SPOCK3: variants seen among roughly 807,000 people sequenced by gnomAD.
SPOCK3 encodes the protein testican-3.
A neutral mutation model predicts 56.6 loss-of-function variants in SPOCK3; 30 were observed. The observed-to-expected ratio is 0.53, with a 90% CI of 0.40 to 0.72. The LOEUF (loss-of-function observed/expected upper bound fraction) is 0.72, where lower values mean the gene tolerates loss of function less well. SPOCK3 is among the 30% of genes least tolerant of loss of function. The probability of loss-of-function intolerance (pLI) is 0.00; values close to 1 mark genes in which losing one functional copy is unlikely to be tolerated. For synonymous variants in SPOCK3, 196 were observed against 183.3 expected, an observed-to-expected ratio of 1.07 and a Z score of -0.56; for missense variants, 527 against 530.0, an observed-to-expected ratio of 0.99 and a Z score of 0.06.
intron 3 of SPOCK3, among the ~76,000 whole-genome samples, chr4:167,028,511 G>A (rs1212909705): frequency 1.3e-5 from 2 of 151,998 alleles, no homozygotes; most frequent in Non-Finnish European, 2.9e-5. Flanking sequence ...CAGACTTGAG[G>A]GCCCCTTATA....
At chr4:166,886,895 T>A (rs867749046) in intron 6 of SPOCK3, among the ~76,000 whole-genome samples, 6 of 152,188 alleles carry the variant, frequency 3.9e-5, no homozygotes, top group South Asian at 4.1e-4. Flanking sequence ...TGTGTAGAAA[T>A]GACACTCAAA....
In SPOCK3 at chr4:167,193,594, A is replaced by G. The variant is rs576366529; in HGVS notation, c.189+40391T>C. On this transcript the variant is annotated intron_variant, in intron 2 of 10. Transcript: ENST00000357545. ...ACCATTACAGTATCAGAATATCCCA[A>G]TTTCACTATATATTTGTCTTTATCA... is the stretch of plus-strand genomic sequence containing the variant. Among the ~76,000 whole-genome samples the G allele has an allele frequency of 2.5e-4, 36 of 145,958 alleles. 3 individuals are homozygous for G. The highest frequency in any genetic ancestry group is 8.9e-4 in the African/African-American group (34 of 38,222).
chr4:166,855,059 GTTTTCC>G (rs1351807293), intron 6 of SPOCK3, among the ~76,000 whole-genome samples: 1 of 152,052 alleles, frequency 6.6e-6, no homozygotes, highest in Non-Finnish European at 1.5e-5. Context: ...GCGAACAATT[GTTTTCC>G]TTTTCCTTTA....
chr4:167,159,781 G>C (rs1182001145), intron 2 of SPOCK3, among the ~76,000 whole-genome samples: 1 of 151,992 alleles, frequency 6.6e-6, no homozygotes, highest in Non-Finnish European at 1.5e-5. Flanking sequence ...CAGAACTAAA[G>C]ACAAAAACCA....
At chr4:166,790,009 T>C (rs1259844610) in intron 7 of SPOCK3, among the ~76,000 whole-genome samples, 1 of 152,172 alleles carries the variant, frequency 6.6e-6, no homozygotes, top group African/African-American at 2.4e-5. Flanking sequence ...ATAATGAATA[T>C]TATCAATAAT....
At chr4:166,890,143 T>C (rs1335646858) in intron 5 of SPOCK3, among the ~76,000 whole-genome samples, 1 of 151,986 alleles carries the variant, frequency 6.6e-6, no homozygotes, top group African/African-American at 2.4e-5. Flanking sequence ...CAGTATAGCA[T>C]GCCTCTCTTC....
At chr4:166,944,536 C>T (rs879277963) in intron 4 of SPOCK3, among the ~76,000 whole-genome samples, 1 of 151,926 alleles carries the variant, frequency 6.6e-6, no homozygotes, top group African/African-American at 2.4e-5. Flanking sequence ...CTTCAGTGTT[C>T]TTTTTTTCTT....
intron 4 of SPOCK3, among the ~76,000 whole-genome samples, chr4:166,992,307 G>A (rs1450519238): frequency 1.3e-5 from 2 of 152,066 alleles, no homozygotes; most frequent in African/African-American, 4.8e-5. Context: ...GTTTTCATAA[G>A]CGTTAAATTT....
At chr4:167,156,507 G>C (rs1764830933) in intron 2 of SPOCK3, among the ~76,000 whole-genome samples, 2 of 152,178 alleles carry the variant, frequency 1.3e-5, no homozygotes, top group East Asian at 3.9e-4. Flanking sequence ...TCCCCTTTTT[G>C]TAGTTCAGGC....
intron 2 of SPOCK3, chr4:167,083,232 G>T (rs1215963792): frequency 1.3e-6 from 1 of 765,260 alleles, no homozygotes; most frequent in African/African-American, 1.7e-5. Flanking sequence ...CCAACCCAAA[G>T]CAAACCTCTA....
intron 6 of SPOCK3, 85 bp from the exon 7 acceptor site, chr4:166,792,374 A>T: frequency 6.8e-7 from 1 of 1,462,418 alleles, no homozygotes; most frequent in Non-Finnish European, 9.4e-7. Context: ...AATAAACTGA[A>T]AGGTAAGAAC....
At chr4:167,041,328 T>C (rs930743102) in intron 3 of SPOCK3, among the ~76,000 whole-genome samples, 1 of 152,186 alleles carries the variant, frequency 6.6e-6, no homozygotes, top group South Asian at 2.1e-4. Context: ...TGACAGCTAA[T>C]ATTATTAAAT....
chr4:167,126,714 T>C (rs1052420919), intron 2 of SPOCK3, among the ~76,000 whole-genome samples: 1 of 152,116 alleles, frequency 6.6e-6, no homozygotes, highest in African/African-American at 2.4e-5. Context: ...CTTTTATCCT[T>C]ACAATCAAGT....
intron 3 of SPOCK3, among the ~76,000 whole-genome samples, chr4:167,001,506 T>C (rs1254790640): frequency 1.3e-5 from 2 of 152,242 alleles, no homozygotes; most frequent in Non-Finnish European, 2.9e-5. Context: ...TTTACATATA[T>C]ACCACATTTT....
Position 167,027,694 on chromosome 4 carries a change from A to G in SPOCK3, c.236-27231T>C, listed in dbSNP as rs567800544. On this transcript the variant is annotated intron_variant, in intron 3 of 10. Transcript: ENST00000357545. ...TTTCTACAGTAAAGTAAGCTAGAGA[A>G]AAATGTTATTAAGAAAATCATAAGG... Among the ~76,000 whole-genome samples the G allele has an allele frequency of 3.7e-4, 56 of 152,222 alleles. No individual in the cohort carries two copies. In the South Asian group the frequency reaches 0.011, roughly 31 times the overall value.
At chr4:166,910,698 G>A (rs1737174137) in intron 5 of SPOCK3, among the ~76,000 whole-genome samples, 1 of 152,114 alleles carries the variant, frequency 6.6e-6, no homozygotes, top group African/African-American at 2.4e-5. Context: ...AAAAATGTCA[G>A]CAGAAGCCAG....
chr4:167,003,539 T>C (rs1749155812), intron 3 of SPOCK3, among the ~76,000 whole-genome samples: 1 of 152,192 alleles, frequency 6.6e-6, no homozygotes, highest in Non-Finnish European at 1.5e-5. Flanking sequence ...ATCAATCCTC[T>C]GCCTTAAAGG....
intron 7 of SPOCK3, among the ~76,000 whole-genome samples, chr4:166,775,540 A>G (rs1358841032): frequency 6.6e-6 from 1 of 152,234 alleles, no homozygotes; most frequent in Non-Finnish European, 1.5e-5. Context: ...CATCAAAGCT[A>G]GAAGTATAAA....
intron 4 of SPOCK3, among the ~76,000 whole-genome samples, chr4:166,978,097 A>G (rs1300862593): frequency 6.6e-6 from 1 of 152,202 alleles, no homozygotes; most frequent in African/African-American, 2.4e-5. Flanking sequence ...AGTATATCAT[A>G]ACCATGTTTT....
Sources: allele counts gnomAD v4.1 joint callset (sites outside exome capture counted in the v4.1 genomes callset), GRCh38; gene constraint gnomAD v4.1.1; transcripts MANE v1.5; gene names NCBI Gene and HGNC (gene_info 2026-07-23, HGNC 2026-07-21).